HTRA1: variants seen among roughly 807,000 people sequenced by gnomAD.
HTRA1 encodes serine protease HTRA1.
In HTRA1, 26 loss-of-function variants were observed where a neutral mutation model predicts 49.7. The observed-to-expected ratio is 0.52, with a 90% CI of 0.38 to 0.73. The LOEUF is 0.73. Ranked by LOEUF, HTRA1 falls within the 30% of genes least tolerant of loss-of-function variation. The pLI, the probability that HTRA1 is intolerant of heterozygous loss-of-function variation, is 0.00. For missense variants in HTRA1, 561 were observed against 667.2 expected (o/e 0.84, Z 1.75); for synonymous variants, 291 against 286.9 (o/e 1.01, Z -0.14).
chr10:122,492,248 T>C lies in HTRA1; in HGVS notation c.777+2622T>C, dbSNP rs2097496213. 2.6e-5 allele frequency among the ~76,000 whole-genome samples: 4 copies of C among 152,306 alleles called. No homozygotes were observed. The South Asian group carries it at 8.3e-4, about 32-fold the overall frequency. Reference sequence around the variant, plus strand: ...TCCGTGGGCCCAGTGACTAACTCGGTGGCTTATCATCTGGGCCCAGCTCCT... The same window carrying C: ...TCCGTGGGCCCAGTGACTAACTCGGCGGCTTATCATCTGGGCCCAGCTCCT... On this transcript the variant is annotated intron_variant, in intron 3 of 8. Transcript: ENST00000368984.
rs1341231697 is a variant in HTRA1 at position 122,464,760 on chromosome 10, G to C, written c.472+2636G>C. ...CCAGGACTCAACAGCTGGTGCCCACGGGCAGGTCACTTGACGTCACTGTTA... is the reference window on the plus strand; with the variant it reads ...CCAGGACTCAACAGCTGGTGCCCACCGGCAGGTCACTTGACGTCACTGTTA... On this transcript the variant is annotated intron_variant, in intron 1 of 8. Transcript: ENST00000368984. This position sits in a 1 kb window ranked among gnomAD's most constrained non-coding sequence, Gnocchi z 4.8. Among the ~76,000 whole-genome samples, 1 of 152,188 alleles carries C rather than the reference G, an allele frequency of 6.6e-6. No homozygotes were observed. Among genetic ancestry groups the C allele is most frequent in the Non-Finnish European group, 1.5e-5 (1 of 68,040 alleles).
chr10:122,495,991 G>A (rs1401454829), intron 3 of HTRA1, among the ~76,000 whole-genome samples: 1 of 152,186 alleles, frequency 6.6e-6, no homozygotes, highest in Non-Finnish European at 1.5e-5. Flanking sequence ...GAGTTAAATA[G>A]TTGTGATGAA....
Position 122,511,964 on chromosome 10 carries a change from G to C in HTRA1, c.1179-6G>C, listed in dbSNP as rs1395756516. 2 of 1,612,434 alleles carry C rather than the reference G, an allele frequency of 1.2e-6. No homozygotes were observed. The highest frequency in any genetic ancestry group is 2.2e-5 in the East Asian group (1 of 44,866). The stretch of plus-strand genomic sequence containing the variant: ...CACTAACACGGGTGCTTTTTCTCTG[G>C]AGCAGCAAAGCCAAAGAGCTGAAGG... On this transcript the variant is annotated splice_polypyrimidine_tract_variant and splice_region_variant and intron_variant, in intron 7 of 8. Coordinates refer to ENST00000368984, the MANE Select transcript of HTRA1 (RefSeq NM_002775.5).
rs1461728141 is a variant in HTRA1 at position 122,494,072 on chromosome 10, C to T, written c.777+4446C>T. On this transcript the variant is annotated intron_variant, in intron 3 of 8. Coordinates refer to ENST00000368984, the MANE Select transcript of HTRA1 (RefSeq NM_002775.5). The surrounding 1 kb of genome is among the most constrained non-coding windows in gnomAD (Gnocchi z 4.0). ...GAGGTAGCGCCCCATGCCCCAGTCC[C>T]CTCAACTCCACTGCCTCACTTTGGG... is the stretch of plus-strand genomic sequence containing the variant. Among the ~76,000 whole-genome samples the T allele has an allele frequency of 6.6e-6, 1 of 152,186 alleles. No homozygotes were observed. Among genetic ancestry groups the T allele is most frequent in the African/African-American group, 2.4e-5 (1 of 41,448 alleles).
At chr10:122,504,879 G>A (rs747604146) in intron 3 of HTRA1, among the ~76,000 whole-genome samples, 2 of 152,220 alleles carry the variant, frequency 1.3e-5, no homozygotes, top group East Asian at 1.9e-4. Context: ...GCACCTCCCC[G>A]CAGCTGCCCT....
chr10:122,500,863 C>T (rs1267128970), intron 3 of HTRA1, among the ~76,000 whole-genome samples: 1 of 152,164 alleles, frequency 6.6e-6, no homozygotes, highest in Admixed American at 6.5e-5. Context: ...ACCTCCCCTC[C>T]CTTCCCGTGG....
In HTRA1 at chr10:122,488,988, G is replaced by T; in HGVS notation, c.559G>T (p.Glu187Ter). The T allele has an allele frequency of 6.2e-7, 1 of 1,613,334 alleles. No individual in the cohort carries two copies. Among genetic ancestry groups the T allele is most frequent in the Non-Finnish European group, 8.5e-7 (1 of 1,179,272 alleles). Residue 187 changes from glutamate (E) to a stop codon, truncating the protein, a stop_gained, in exon 2 of 9, where the codon GAA becomes TAA. Transcript: ENST00000368984. LOFTEE classifies it high-confidence loss of function. ...GATCGCCCCTGCCGTGGTTCATATCGAATTGTTTCGCAAGTAAAGAGAGCC... is the reference window on the plus strand; with the variant it reads ...GATCGCCCCTGCCGTGGTTCATATCTAATTGTTTCGCAAGTAAAGAGAGCC... ...EKIAPAVVHIELFRKLPFSKR... is the reference protein window; with the variant it reads ...EKIAPAVVHI
intron 3 of HTRA1, among the ~76,000 whole-genome samples, chr10:122,495,647 T>A (rs534109073): frequency 2.0e-5 from 3 of 152,206 alleles, no homozygotes; most frequent in Non-Finnish European, 4.4e-5. Flanking sequence ...TATATTTTTC[T>A]CTTAATATGG....
intron 3 of HTRA1, among the ~76,000 whole-genome samples, chr10:122,491,871 A>G (rs2097496017): frequency 6.6e-6 from 1 of 152,186 alleles, no homozygotes; most frequent in Non-Finnish European, 1.5e-5. Flanking sequence ...TAAATTGCAG[A>G]CACCCACACA....
chr10:122,508,266 G>A (rs149345300), intron 5 of HTRA1, among the ~76,000 whole-genome samples: 114 of 152,344 alleles, frequency 7.5e-4, no homozygotes, highest in African/African-American at 2.4e-3. Context: ...GTTTCCCCCT[G>A]AAGTCAGCAG....
At chr10:122,508,387 C>CGTGCATTTTGAAACTATCT (rs2097504095) in intron 5 of HTRA1, among the ~76,000 whole-genome samples, 1 of 152,250 alleles carries the variant, frequency 6.6e-6, no homozygotes. Flanking sequence ...CAAATCATAT[C>CGTGCATTTTGAAACTATCT]GTGCATTTTG....
intron 3 of HTRA1, among the ~76,000 whole-genome samples, chr10:122,500,569 GAC>G (rs1403476008): frequency 2.0e-5 from 3 of 152,180 alleles, no homozygotes; most frequent in African/African-American, 7.2e-5. Context: ...TACTGTCTGG[GAC>G]AGTGTTCTCT....
rs953549586 is a variant in HTRA1 at position 122,464,884 on chromosome 10, A to G, written c.472+2760A>G. Among the ~76,000 whole-genome samples the G allele has an allele frequency of 7.2e-5, 11 of 152,168 alleles. No individual in the cohort carries two copies. The highest frequency in any genetic ancestry group is 9.7e-5 in the African/African-American group (4 of 41,446). ...CCTTTTCTAGGGGTGCCACTTGACT[A>G]GAGGCCTGGAGTTGGAGCAAGTCAT... On this transcript the variant is annotated intron_variant, in intron 1 of 8. Transcript: ENST00000368984. The surrounding 1 kb of genome is among the most constrained non-coding windows in gnomAD (Gnocchi z 4.8).
In HTRA1 at chr10:122,461,769, C is replaced by T. The variant is rs1379633710; in HGVS notation, c.117C>T (p.Asp39=). 9.5e-7 allele frequency: 1 copy of T among 1,057,232 alleles called. No individual in the cohort carries two copies. The highest frequency in any genetic ancestry group is 1.7e-5 in the African/African-American group (1 of 58,302). The allele number at this position is 1,057,232 out of a possible 1,614,324, so 65.5% of individuals were successfully genotyped here. A position where few individuals can be genotyped will look rare whatever the true frequency, so the allele number is the denominator to read the frequency against. ...CGCCTTTGGCCGCCGGGTGCCCAGA[C>T]CGCTGCGAGCCGGCGCGCTGCCCGC... ...RSAPLAAGCP[D]RCEPARCPPQ... The change falls in exon 1 of 9, where the codon GAC becomes GAT. Residue 39 remains aspartate, a synonymous_variant. Transcript: ENST00000368984.
chr10:122,496,240 T>TTG (rs1360830241), intron 3 of HTRA1, among the ~76,000 whole-genome samples: 16 of 102,528 alleles, frequency 1.6e-4, no homozygotes, highest in Non-Finnish European at 3.0e-4. Flanking sequence ...TTTTTTTTTT[T>TTG]TTTTTTTTTT....
chr10:122,506,676 C>A lies in HTRA1; in HGVS notation c.778-15C>A, dbSNP rs2097503188. On this transcript the variant is annotated splice_polypyrimidine_tract_variant and intron_variant, in intron 3 of 8. Transcript: ENST00000368984. The surrounding 1 kb of genome is among the most constrained non-coding windows in gnomAD (Gnocchi z 5.2). ...AATTAAACCAACTCAGCAACGCCAG[C>A]CATTGTGGTTTCAGGGCAAGCTGCC... 1 of 1,609,664 alleles carries A rather than the reference C, an allele frequency of 6.2e-7. No homozygotes were observed. Among genetic ancestry groups the A allele is most frequent in the South Asian group, 1.1e-5 (1 of 91,052 alleles).
chr10:122,489,446 G>T lies in HTRA1; in HGVS notation c.597G>T (p.Val199=), dbSNP rs1187230781. 6.2e-7 allele frequency: 1 copy of T among 1,614,090 alleles called. No homozygotes were observed. The highest frequency in any genetic ancestry group is 1.3e-5 in the African/African-American group (1 of 74,922). ...FRKLPFSKRE[V]PVASGSGFIV... The stretch of plus-strand genomic sequence containing the variant: ...GGCTTCCGTTTTCTAAACGAGAGGT[G>T]CCGGTGGCTAGTGGGTCTGGGTTTA... The change falls in exon 3 of 9, where the codon GTG becomes GTT. Residue 199 remains valine (V), a synonymous_variant. Coordinates refer to ENST00000368984, the MANE Select transcript of HTRA1 (RefSeq NM_002775.5).
Position 122,507,393 on chromosome 10 carries a change from A to G in HTRA1, c.996A>G (p.Leu332=), listed in dbSNP as rs189888816. The G allele has an allele frequency of 3.0e-5, 48 of 1,610,020 alleles. No homozygotes were observed. In the East Asian group the frequency reaches 1.0e-3, roughly 35 times the overall value. The change falls in exon 5 of 9, where the codon TTA becomes TTG. Residue 332 remains leucine (L), a synonymous_variant. Transcript: ENST00000368984. ...IINYGNSGGP[L]VNLDGEVIGI... The stretch of plus-strand genomic sequence containing the variant: ...AGTATGGAAACTCGGGAGGCCCGTT[A>G]GTAAACCTGGTAAGGTCTTTTAAAC...
intron 3 of HTRA1, among the ~76,000 whole-genome samples, chr10:122,503,872 C>T (rs372984968): frequency 3.3e-5 from 5 of 152,162 alleles, no homozygotes; most frequent in East Asian, 1.9e-4. Context: ...AAAACCTAAA[C>T]GAGATGATCA....
Sources: allele counts gnomAD v4.1 joint callset (sites outside exome capture counted in the v4.1 genomes callset), GRCh38; gene constraint gnomAD v4.1.1; non-coding constraint Gnocchi (gnomAD v3.1); transcripts MANE v1.5; gene names NCBI Gene and HGNC (gene_info 2026-07-23, HGNC 2026-07-21).